LY75: variants seen among roughly 807,000 people sequenced by gnomAD.
LY75 encodes the protein C-type lectin domain family 13 member B.
A neutral mutation model predicts 231.7 loss-of-function variants in LY75; 185 were observed. The ratio of observed to expected loss-of-function variants is 0.80; its 90% CI spans 0.71 to 0.90. The LOEUF is 0.90. Ranked by LOEUF, LY75 falls within the 40% of genes least tolerant of loss-of-function variation. LY75 has a pLI of 0.00. For missense variants in LY75, 1,947 were observed against 2,050.2 expected (o/e 0.95, Z 0.97); for synonymous variants, 668 against 689.0 (o/e 0.97, Z 0.48).
intron 33 of LY75, chr2:159,807,715 AC>A: frequency 1.0e-6 from 1 of 959,034 alleles, no homozygotes; most frequent in Non-Finnish European, 1.2e-6. Context: ...TTTGACAAGT[AC>A]TTAACATTTT....
At chr2:159,875,298 C>T (rs1049568937) in intron 12 of LY75, 146 bp downstream of exon 12, 3 of 1,141,518 alleles carry the variant, frequency 2.6e-6, no homozygotes, top group South Asian at 1.7e-5. Flanking sequence ...AGAGGTTCAG[C>T]GATGCCCTGC....
At chr2:159,870,722 G>C (rs1332879662) in intron 13 of LY75, among the ~76,000 whole-genome samples, 1 of 150,198 alleles carries the variant, frequency 6.7e-6, no homozygotes, top group Admixed American at 6.7e-5. Context: ...ATGCTACCCA[G>C]GCTGGTCTCG....
Position 159,819,858 on chromosome 2 carries a change from G to A in LY75, c.4021C>T (p.Pro1341Ser). ...LSYTHWRAGR[P>S]TIKNEKFLAG... ...AAAAACTTCTCATTTTTTATAGTTG[G>A]TCTTCCTGCTCTCCAATGTGTATAT... Residue 1341 changes from proline to serine, a missense_variant, in exon 29 of 35, where the codon CCA (proline) becomes TCA (serine). Transcript: ENST00000263636. 2 of 1,614,052 alleles carry A rather than the reference G, an allele frequency of 1.2e-6. No homozygotes were observed. Among genetic ancestry groups the A allele is most frequent in the Middle Eastern group, 1.6e-4 (1 of 6,062 alleles).
At chr2:159,851,363 T>C (rs1684395783) in intron 21 of LY75, among the ~76,000 whole-genome samples, 1 of 152,162 alleles carries the variant, frequency 6.6e-6, no homozygotes, top group Non-Finnish European at 1.5e-5. Context: ...AATTTTTTTT[T>C]CAGCTTTCTT....
At chr2:159,849,927 G>T in intron 23 of LY75, 53 bp downstream of exon 23, 1 of 1,567,922 alleles carries the variant, frequency 6.4e-7, no homozygotes. Context: ...ATGTATGAAA[G>T]ACTCAAGTAT....
chr2:159,864,046 A>G (rs1459440866), intron 14 of LY75, among the ~76,000 whole-genome samples: 1 of 152,200 alleles, frequency 6.6e-6, no homozygotes, highest in Admixed American at 6.5e-5. Flanking sequence ...AGTATGTTCT[A>G]TGATGTTTGC....
In LY75 at chr2:159,804,946, G is replaced by A; in HGVS notation, c.*98C>T. On this transcript the variant is annotated 3_prime_UTR_variant, in exon 35 of 35. Transcript: ENST00000263636. ...TAAACAACTGAAAAAGTATTTAAGA[G>A]TTCTACTTTGGAGCAGAGTAAATAC... 1.1e-6 allele frequency: 1 copy of A among 897,570 alleles called. No homozygotes were observed. Among genetic ancestry groups the A allele is most frequent in the Non-Finnish European group, 1.7e-6 (1 of 589,808 alleles). 55.6% of individuals were successfully genotyped at this position (897,570 alleles called of 1,614,324 possible).
intron 2 of LY75, among the ~76,000 whole-genome samples, chr2:159,894,670 T>C (rs762914597): frequency 5.9e-5 from 9 of 152,232 alleles, no homozygotes; most frequent in Non-Finnish European, 1.0e-4. Flanking sequence ...GCTGAATTTC[T>C]GAGCAGATTC....
chr2:159,831,775 G>A lies in LY75; in HGVS notation c.3853C>T (p.His1285Tyr). ...TKCQKLNPKS[H>Y]ILSIRDEKEN... ...TTTTCATCTCGAATACTCAGAATAT[G>A]TGATTTTGGATCTGTTGAATAAAAA... is the stretch of plus-strand genomic sequence containing the variant. Residue 1285 changes from histidine (H) to tyrosine (Y), a missense_variant, in exon 28 of 35, where the codon CAT becomes TAT. Coordinates refer to ENST00000263636, the MANE Select transcript of LY75 (RefSeq NM_002349.4). The A allele has an allele frequency of 6.2e-7, 1 of 1,606,848 alleles. No individual in the cohort carries two copies. Among genetic ancestry groups the A allele is most frequent in the Non-Finnish European group, 8.5e-7 (1 of 1,177,388 alleles).
At chr2:159,846,670 TA>T (rs1342850056) in intron 23 of LY75, among the ~76,000 whole-genome samples, 8 of 152,166 alleles carry the variant, frequency 5.3e-5, no homozygotes, top group Admixed American at 5.2e-4. Context: ...TTGAACATAT[TA>T]AAAAATAGTC....
At position 159,901,794 on chromosome 2, in the gene LY75, T is replaced by C. The variant is rs373287808; in HGVS notation, c.95-2735A>G. Among the ~76,000 whole-genome samples the C allele has an allele frequency of 4.9e-4, 74 of 152,350 alleles. 1 individual carries two copies. The highest frequency in any genetic ancestry group is 2.2e-3 in the Admixed American group (34 of 15,310). ...GTATGCAATTTCAATGTGACACTTATAGTGGTCACTTAGTACAGATCTTAA... is the reference window on the plus strand; with the variant it reads ...GTATGCAATTTCAATGTGACACTTACAGTGGTCACTTAGTACAGATCTTAA... On this transcript the variant is annotated intron_variant, in intron 1 of 34. Transcript: ENST00000263636.
chr2:159,881,463 G>A (rs1227990178), intron 7 of LY75, among the ~76,000 whole-genome samples: 1 of 152,178 alleles, frequency 6.6e-6, no homozygotes, highest in African/African-American at 2.4e-5. Flanking sequence ...CAGGCTGGGT[G>A]TTCCTGATAT....
In LY75 at chr2:159,854,458, A is replaced by C; in HGVS notation, c.2497T>G (p.Tyr833Asp). Residue 833 changes from tyrosine (Y) to aspartate (D), a missense_variant, in exon 18 of 35, where the codon TAT (tyrosine) becomes GAT (aspartate). Tyr to Asp is a radical substitution (Grantham distance 160). Coordinates refer to ENST00000263636, the MANE Select transcript of LY75 (RefSeq NM_002349.4). The stretch of plus-strand genomic sequence containing the variant: ...GCACAGTACAGGACGGCTTCTTCAT[A>C]GTTTAGGTGAAGATCAGCAACAAAC... ...YWFVADLHLN[Y>D]EEAVLYCASN... The C allele has an allele frequency of 6.2e-7, 1 of 1,613,630 alleles. No homozygotes were observed. Among genetic ancestry groups the C allele is most frequent in the East Asian group, 2.2e-5 (1 of 44,878 alleles).
chr2:159,824,142 C>T (rs561816412), intron 28 of LY75, among the ~76,000 whole-genome samples: 171 of 152,238 alleles, frequency 1.1e-3, no homozygotes, highest in Non-Finnish European at 2.0e-3. Context: ...CCAATTAAAA[C>T]ACACGACTGG....
chr2:159,848,083 T>C (rs1478229067), intron 23 of LY75, among the ~76,000 whole-genome samples: 9 of 32,482 alleles, frequency 2.8e-4, no homozygotes, highest in African/African-American at 9.2e-4. Context: ...TATATATATA[T>C]ATATATATAT....
chr2:159,854,379 A>G lies in LY75; in HGVS notation c.2576T>C (p.Ile859Thr). Residue 859 changes from isoleucine to threonine, a missense_variant, in exon 18 of 35, where the codon ATC (isoleucine) becomes ACC (threonine). Physicochemically the swap from Ile to Thr is moderately conservative, Grantham distance 89. Coordinates refer to ENST00000263636, the MANE Select transcript of LY75 (RefSeq NM_002349.4). ...AATTACATTTGCTATTTTGTTTTTG[A>G]TGGCTTTTAGTCCCACAAAAGATGT... ...TITSFVGLKAIKNKIANISGD... is the reference protein window; with the variant it reads ...TITSFVGLKATKNKIANISGD... 7.0e-7 allele frequency: 1 copy of G among 1,437,366 alleles called. No individual in the cohort carries two copies. The highest frequency in any genetic ancestry group is 9.2e-7 in the Non-Finnish European group (1 of 1,084,164). 89.0% of individuals were successfully genotyped at this position (1,437,366 alleles called of 1,614,324 possible).
chr2:159,818,343 G>A (rs1325731956), intron 29 of LY75, among the ~76,000 whole-genome samples: 2 of 152,206 alleles, frequency 1.3e-5, no homozygotes, highest in Non-Finnish European at 2.9e-5. Flanking sequence ...TCCATGTGAA[G>A]TGAGAATGCT....
At chr2:159,854,606 A>C in intron 17 of LY75, 71 bp from the exon 18 acceptor site, 1 of 1,514,584 alleles carries the variant, frequency 6.6e-7, no homozygotes, top group Non-Finnish European at 9.0e-7. Flanking sequence ...AGCATGAGTT[A>C]ATGTTCAAAA....
At chr2:159,865,561 A>G (rs937181381) in intron 13 of LY75, among the ~76,000 whole-genome samples, 25 of 152,174 alleles carry the variant, frequency 1.6e-4, no homozygotes, top group African/African-American at 5.3e-4. Flanking sequence ...GTAATATGAA[A>G]TAGAGAGATA....
Sources: allele counts gnomAD v4.1 joint callset (sites outside exome capture counted in the v4.1 genomes callset), GRCh38; gene constraint gnomAD v4.1.1; transcripts MANE v1.5; gene names NCBI Gene and HGNC (gene_info 2026-07-23, HGNC 2026-07-21).